The following ITFG1 variants were observed in gnomAD, a reference collection of about 807,000 sequenced individuals.
The protein encoded by ITFG1 is T-cell immunomodulatory protein.
In ITFG1, 34 loss-of-function variants were observed where a neutral mutation model predicts 81.8. That is an observed-to-expected ratio of 0.42 (90% CI 0.32 to 0.55). The LOEUF is 0.55. Among genes scored for constraint, ITFG1 ranks in the 20% least tolerant of loss-of-function variants. The pLI is 0.17. For missense variants in ITFG1, 672 were observed against 755.4 expected (o/e 0.89, Z 1.29); for synonymous variants, 285 against 270.6 (o/e 1.05, Z -0.52).
At chr16:47,440,095 T>C (rs899945868) in intron 5 of ITFG1, among the ~76,000 whole-genome samples, 1 of 152,052 alleles carries the variant, frequency 6.6e-6, no homozygotes, top group Admixed American at 6.6e-5. Flanking sequence ...AAGAAGGCCA[T>C]TACATAATGG....
intron 13 of ITFG1, among the ~76,000 whole-genome samples, chr16:47,235,443 G>A (rs969431532): frequency 3.3e-5 from 5 of 152,146 alleles, no homozygotes; most frequent in Non-Finnish European, 7.4e-5. Context: ...ATGAAATTAG[G>A]GTTTCAAAAG....
intron 14 of ITFG1, among the ~76,000 whole-genome samples, chr16:47,181,289 G>C (rs1262018049): frequency 6.7e-6 from 1 of 149,932 alleles, no homozygotes; most frequent in Non-Finnish European, 1.5e-5. Context: ...GAAGTGAGGA[G>C]CGTCTCTGTC....
intron 12 of ITFG1, among the ~76,000 whole-genome samples, chr16:47,247,208 T>C (rs1461873359): frequency 6.6e-6 from 1 of 152,140 alleles, no homozygotes; most frequent in Non-Finnish European, 1.5e-5. Flanking sequence ...ACAGACCATA[T>C]AAAGAAAATT....
At chr16:47,351,061 C>G (rs1181407266) in intron 8 of ITFG1, among the ~76,000 whole-genome samples, 6 of 152,146 alleles carry the variant, frequency 3.9e-5, no homozygotes, top group Non-Finnish European at 1.5e-5. Flanking sequence ...GGATGTATCT[C>G]AAAATAATAA....
Position 47,346,052 on chromosome 16 carries a change from A to G in ITFG1, c.802+19736T>C, listed in dbSNP as rs1479527386. Among the ~76,000 whole-genome samples the G allele has an allele frequency of 2.0e-5, 3 of 152,182 alleles. No homozygotes were observed. In the East Asian group the frequency reaches 5.8e-4, roughly 29 times the overall value. On this transcript the variant is annotated intron_variant, in intron 8 of 17. Coordinates refer to ENST00000320640, the MANE Select transcript of ITFG1 (RefSeq NM_030790.5). The stretch of plus-strand genomic sequence containing the variant: ...AGATATATACAGAACTTTCCATCCA[A>G]TGGCAGCAAAATACACATACTTTGC...
At chr16:47,341,393 C>T (rs1267777819) in intron 8 of ITFG1, among the ~76,000 whole-genome samples, 12 of 135,792 alleles carry the variant, frequency 8.8e-5, no homozygotes, top group Admixed American at 1.6e-4. Context: ...GCTAGGACTG[C>T]GCCACTGAAA....
At chr16:47,380,225 G>C (rs943799993) in intron 6 of ITFG1, among the ~76,000 whole-genome samples, 1 of 152,148 alleles carries the variant, frequency 6.6e-6, no homozygotes. Flanking sequence ...TTCATGGAAA[G>C]GGAACATCTA....
intron 10 of ITFG1, among the ~76,000 whole-genome samples, chr16:47,280,882 C>T (rs141799725): frequency 6.6e-6 from 1 of 152,228 alleles, no homozygotes; most frequent in Non-Finnish European, 1.5e-5. Flanking sequence ...TGAATACATC[C>T]AGTTGTGAGG....
chr16:47,189,412 C>T (rs1965265812), intron 14 of ITFG1, among the ~76,000 whole-genome samples: 1 of 152,182 alleles, frequency 6.6e-6, no homozygotes, highest in African/African-American at 2.4e-5. Context: ...TCCTTTCTAC[C>T]TCTATGAAGT....
chr16:47,309,803 T>C (rs1445824435), intron 10 of ITFG1, among the ~76,000 whole-genome samples: 1 of 152,230 alleles, frequency 6.6e-6, no homozygotes, highest in African/African-American at 2.4e-5. Context: ...GCAAAGGAAT[T>C]GTTAACAAAA....
intron 8 of ITFG1, among the ~76,000 whole-genome samples, chr16:47,338,845 A>G (rs934049952): frequency 2.0e-5 from 3 of 152,142 alleles, no homozygotes; most frequent in African/African-American, 7.2e-5. Flanking sequence ...CTATTTTAAA[A>G]TGTACAATTA....
At chr16:47,260,192 C>T (rs768191900) in intron 11 of ITFG1, among the ~76,000 whole-genome samples, 1 of 152,110 alleles carries the variant, frequency 6.6e-6, no homozygotes, top group African/African-American at 2.4e-5. Context: ...CTGCCTCGGC[C>T]TCCCAAAGTG....
chr16:47,404,229 T>C (rs1968699826), intron 6 of ITFG1, among the ~76,000 whole-genome samples: 1 of 152,160 alleles, frequency 6.6e-6, no homozygotes, highest in South Asian at 2.1e-4. Flanking sequence ...AGTGCACTTA[T>C]TACTGGGAGC....
intron 5 of ITFG1, among the ~76,000 whole-genome samples, chr16:47,445,104 T>A (rs1969306615): frequency 3.7e-5 from 5 of 135,724 alleles, no homozygotes; most frequent in South Asian, 2.2e-4. Context: ...TTAAGAGAAA[T>A]GTACATTAAA....
chr16:47,302,305 A>G (rs1967089022), intron 10 of ITFG1, among the ~76,000 whole-genome samples: 1 of 152,144 alleles, frequency 6.6e-6, no homozygotes, highest in Admixed American at 6.5e-5. Flanking sequence ...AGTCATAAGC[A>G]CTGCTCCCAA....
intron 8 of ITFG1, among the ~76,000 whole-genome samples, chr16:47,314,204 AT>A (rs1445167188): frequency 3.3e-5 from 5 of 152,184 alleles, no homozygotes; most frequent in Admixed American, 6.5e-5. Flanking sequence ...AAAAAGAAAA[AT>A]GTATAGTGTT....
intron 10 of ITFG1, among the ~76,000 whole-genome samples, chr16:47,285,737 T>C (rs973784922): frequency 6.6e-6 from 1 of 152,154 alleles, no homozygotes; most frequent in Admixed American, 6.6e-5. Context: ...AGGAAAAACA[T>C]AGGCAGAGAG....
intron 6 of ITFG1, among the ~76,000 whole-genome samples, chr16:47,388,718 A>T (rs372504773): frequency 6.6e-6 from 1 of 152,228 alleles, no homozygotes; most frequent in East Asian, 1.9e-4. Flanking sequence ...AATCAACTAT[A>T]ACCTAATAGT....
intron 8 of ITFG1, among the ~76,000 whole-genome samples, chr16:47,334,759 G>A (rs1967680716): frequency 6.6e-6 from 1 of 152,074 alleles, no homozygotes; most frequent in Non-Finnish European, 1.5e-5. Flanking sequence ...TTTCAGACAG[G>A]TCCCATTTTA....
Sources: allele counts gnomAD v4.1 joint callset (sites outside exome capture counted in the v4.1 genomes callset), GRCh38; gene constraint gnomAD v4.1.1; transcripts MANE v1.5; gene names NCBI Gene and HGNC (gene_info 2026-07-23, HGNC 2026-07-21).